The following PPP1R9A variants were observed in gnomAD, a reference collection of about 807,000 sequenced individuals.
PPP1R9A encodes the protein protein phosphatase 1 regulatory subunit 9A.
Under a neutral mutation model 141.9 loss-of-function variants are expected in PPP1R9A, and 59 were observed. That is an observed-to-expected ratio of 0.42 (90% CI 0.34 to 0.52). The LOEUF (loss-of-function observed/expected upper bound fraction) is 0.52, where lower values mean the gene tolerates loss of function less well. Ranked by LOEUF, PPP1R9A falls within the 20% of genes least tolerant of loss-of-function variation. The pLI is 0.10. For synonymous variants in PPP1R9A, 500 were observed against 569.7 expected, an observed-to-expected ratio of 0.88 and a Z score of 1.74; for missense variants, 1,444 against 1,611.9, an observed-to-expected ratio of 0.90 and a Z score of 1.78.
chr7:95,037,730 C>T (rs184407468), intron 2 of PPP1R9A, among the ~76,000 whole-genome samples: 8 of 152,170 alleles, frequency 5.3e-5, no homozygotes, highest in East Asian at 1.9e-4. Flanking sequence ...CGTGCACACA[C>T]GTGCACTTTA....
At chr7:94,946,509 G>A (rs2150991032) in intron 2 of PPP1R9A, among the ~76,000 whole-genome samples, 1 of 152,100 alleles carries the variant, frequency 6.6e-6, no homozygotes, top group Admixed American at 6.6e-5. Context: ...TTCAGGTCAT[G>A]TGTCTAGGTG....
chr7:95,175,499 T>A (rs1247873314), intron 5 of PPP1R9A, among the ~76,000 whole-genome samples: 43 of 144,294 alleles, frequency 3.0e-4, no homozygotes, highest in Non-Finnish European at 4.9e-4. Context: ...CCTTTGCCTT[T>A]AAAAAAAAAA....
intron 4 of PPP1R9A, among the ~76,000 whole-genome samples, chr7:95,151,718 G>A (rs904377378): frequency 2.0e-5 from 3 of 151,344 alleles, no homozygotes; most frequent in African/African-American, 7.3e-5. Context: ...GATGGGGGGA[G>A]ACTGTGCATG....
chr7:95,190,593 C>T (rs143547657), intron 5 of PPP1R9A, among the ~76,000 whole-genome samples: 9 of 152,216 alleles, frequency 5.9e-5, no homozygotes, highest in Non-Finnish European at 8.8e-5. Flanking sequence ...GTTGTCTTCT[C>T]CCTCCTTGGA....
chr7:95,053,581 T>A (rs76310185), intron 2 of PPP1R9A, among the ~76,000 whole-genome samples: 13 of 152,244 alleles, frequency 8.5e-5, no homozygotes, highest in Non-Finnish European at 1.8e-4. Flanking sequence ...ATTTTACTTT[T>A]GAACTATGAT....
intron 2 of PPP1R9A, among the ~76,000 whole-genome samples, chr7:94,934,872 T>A (rs2150878938): frequency 6.7e-6 from 1 of 149,326 alleles, no homozygotes; most frequent in East Asian, 2.0e-4. Flanking sequence ...ACACATATAT[T>A]TTAAGAGATG....
At chr7:95,170,969 G>A (rs1440540564) in intron 5 of PPP1R9A, among the ~76,000 whole-genome samples, 2 of 151,564 alleles carry the variant, frequency 1.3e-5, no homozygotes, top group Admixed American at 6.6e-5. Flanking sequence ...CTTTTGTAAG[G>A]TGATTATGCT....
At chr7:95,037,750 T>C (rs1331369511) in intron 2 of PPP1R9A, among the ~76,000 whole-genome samples, 1 of 152,156 alleles carries the variant, frequency 6.6e-6, no homozygotes, top group Non-Finnish European at 1.5e-5. Flanking sequence ...AACACTGGAT[T>C]AATATAAAAA....
Position 95,162,921 on chromosome 7 carries a change from G to T in PPP1R9A, c.1754+950G>T, listed in dbSNP as rs185620130. Among the ~76,000 whole-genome samples the T allele has an allele frequency of 8.5e-5, 13 of 152,158 alleles. No individual in the cohort carries two copies. In the East Asian group the frequency reaches 2.5e-3, roughly 29 times the overall value. ...GAATATTACCTAAACTACTTCTGTGGGCGCTATGTTGATGTTTCTAGAATA... is the reference window on the plus strand; with the variant it reads ...GAATATTACCTAAACTACTTCTGTGTGCGCTATGTTGATGTTTCTAGAATA... On this transcript the variant is annotated intron_variant, in intron 5 of 19. Coordinates refer to ENST00000433360, the MANE Select transcript of PPP1R9A (RefSeq NM_001166160.2).
intron 2 of PPP1R9A, among the ~76,000 whole-genome samples, chr7:95,073,668 G>T (rs1158222380): frequency 5.7e-5 from 6 of 105,778 alleles, no homozygotes; most frequent in Non-Finnish European, 1.0e-4. Flanking sequence ...CACACCAGAA[G>T]AACTAATGAT....
chr7:95,176,036 C>T (rs1267501633), intron 5 of PPP1R9A, among the ~76,000 whole-genome samples: 6 of 151,952 alleles, frequency 3.9e-5, no homozygotes, highest in South Asian at 2.1e-4. Flanking sequence ...AGCTCCATAA[C>T]GACTGCAGGA....
intron 10 of PPP1R9A, among the ~76,000 whole-genome samples, chr7:95,250,700 A>G (rs1295949288): frequency 2.0e-5 from 3 of 152,166 alleles, no homozygotes; most frequent in Admixed American, 6.5e-5. Context: ...ATTTCCCACT[A>G]CAGACAGTGC....
At chr7:95,256,747 T>G (rs571155299) in intron 12 of PPP1R9A, among the ~76,000 whole-genome samples, 3 of 152,226 alleles carry the variant, frequency 2.0e-5, no homozygotes, top group Admixed American at 6.5e-5. Flanking sequence ...GTCTTCTGAT[T>G]ATTAGATGTT....
Position 94,993,315 on chromosome 7 carries a change from T to C in PPP1R9A, c.1395+81807T>C, listed in dbSNP as rs991101378. Reference sequence around the variant, plus strand: ...ACATTCTGTTATGGTAGCTTAATAATAATCCTTAAAAGCAGGAACAGTTAG... The same window carrying C: ...ACATTCTGTTATGGTAGCTTAATAACAATCCTTAAAAGCAGGAACAGTTAG... On this transcript the variant is annotated intron_variant, in intron 2 of 19. Coordinates refer to ENST00000433360, the MANE Select transcript of PPP1R9A (RefSeq NM_001166160.2). Among the ~76,000 whole-genome samples, 3 of 152,176 alleles carry C rather than the reference T, an allele frequency of 2.0e-5. No individual in the cohort carries two copies. In the East Asian group the frequency reaches 5.8e-4, roughly 29 times the overall value.
At chr7:95,090,491 T>G (rs1287110731) in intron 2 of PPP1R9A, among the ~76,000 whole-genome samples, 1 of 151,944 alleles carries the variant, frequency 6.6e-6, no homozygotes, top group Non-Finnish European at 1.5e-5. Flanking sequence ...CTCTATATTT[T>G]AATAATCCAG....
intron 4 of PPP1R9A, among the ~76,000 whole-genome samples, chr7:95,151,758 C>G (rs1828715438): frequency 6.6e-6 from 1 of 150,854 alleles, no homozygotes; most frequent in Admixed American, 6.6e-5. Flanking sequence ...GAGAAGCTCT[C>G]CAAATTTCCC....
At chr7:94,996,808 T>TG in intron 2 of PPP1R9A, among the ~76,000 whole-genome samples, 1 of 150,132 alleles carries the variant, frequency 6.7e-6, no homozygotes, top group South Asian at 2.1e-4. Context: ...TGTTTTTTTT[T>TG]TTTTTTTTTT....
rs1806893783 is a variant in PPP1R9A at position 95,294,925 on chromosome 7, A to AG, written c.*4622_*4623insG. ...AGCACAGTCTGTGACCTGATTCCAG[A>AG]TCCTCAAGAGTGGAGAAGGAAAGAA... On this transcript the variant is annotated 3_prime_UTR_variant, in exon 20 of 20. Coordinates refer to ENST00000433360, the MANE Select transcript of PPP1R9A (RefSeq NM_001166160.2). 6.6e-6 allele frequency: 1 copy of AG among 152,622 alleles called. No individual in the cohort carries two copies. Among genetic ancestry groups the AG allele is most frequent in the Admixed American group, 6.5e-5 (1 of 15,274 alleles). The allele number at this position is 152,622 out of a possible 1,614,324, so 9.5% of individuals were successfully genotyped here.
rs140580445 is a variant in PPP1R9A, at chr7:95,186,682, G to A, written c.1755-11667G>A. On this transcript the variant is annotated intron_variant, in intron 5 of 19. Transcript: ENST00000433360. The stretch of plus-strand genomic sequence containing the variant: ...CATAGATGGCTTTTATTACCTTAAG[G>A]TATGGCTCTTTTATGCCAATTTTGC... 7.6e-3 allele frequency among the ~76,000 whole-genome samples: 1,160 copies of A among 152,154 alleles called. 27 individuals are homozygous for A. The highest frequency in any genetic ancestry group is 0.041 in the Admixed American group (619 of 15,282).
Sources: allele counts gnomAD v4.1 joint callset (sites outside exome capture counted in the v4.1 genomes callset), GRCh38; gene constraint gnomAD v4.1.1; transcripts MANE v1.5; gene names NCBI Gene and HGNC (gene_info 2026-07-23, HGNC 2026-07-21).